Variants in B3GLCT observed in about 807,000 individuals in gnomAD.
B3GLCT encodes the protein beta 3-glucosyltransferase, also known as beta-1,3-glucosyltransferase.
In B3GLCT, 65 loss-of-function variants were observed where a neutral mutation model predicts 63.4. The observed-to-expected ratio is 1.03, with a 90% CI of 0.84 to 1.26. The LOEUF (loss-of-function observed/expected upper bound fraction) is 1.26, where lower values mean the gene tolerates loss of function less well. B3GLCT is among the 50% of genes most tolerant of loss of function. The pLI, the probability that B3GLCT is intolerant of heterozygous loss-of-function variation, is 0.00. For synonymous variants in B3GLCT, 233 were observed against 219.2 expected (o/e 1.06, Z -0.55); for missense variants, 577 against 604.8 (o/e 0.95, Z 0.48).
rs1874506167 is a variant in B3GLCT, at chr13:31,308,355, A to AC, written c.1065-9211_1065-9210insC. Among the ~76,000 whole-genome samples, 2 of 54,918 alleles carry AC rather than the reference A, an allele frequency of 3.6e-5. 1 individual carries two copies. The highest frequency in any genetic ancestry group is 8.5e-5 in the African/African-American group (2 of 23,514). The allele number at this position is 54,918 out of a possible 152,430, so 36.0% of individuals were successfully genotyped here. On this transcript the variant is annotated intron_variant, in intron 12 of 14. Transcript: ENST00000343307. ...AATAAAAAAAAAAAAATTAAAAAAA[A>AC]AAAAACAAAAAAAAAAGCTAGTCCC...
At chr13:31,210,012 C>A (rs1391361269) in intron 1 of B3GLCT, among the ~76,000 whole-genome samples, 1 of 152,160 alleles carries the variant, frequency 6.6e-6, no homozygotes, top group African/African-American at 2.4e-5. Flanking sequence ...ATTAGTGCTG[C>A]TTAAATGTGT....
intron 7 of B3GLCT, among the ~76,000 whole-genome samples, chr13:31,267,865 C>A (rs1038502157): frequency 1.0e-5 from 1 of 96,394 alleles, no homozygotes. Flanking sequence ...TTTTTTTTTT[C>A]TTTTCGAGAC....
intron 4 of B3GLCT, among the ~76,000 whole-genome samples, chr13:31,246,667 C>CT (rs35481803): frequency 0.31 from 47,465 of 152,058 alleles, 8,618 homozygotes; most frequent in Non-Finnish European, 0.42. Context: ...TGAGTTATCC[C>CT]TGACTACTTC....
Position 31,329,678 on chromosome 13 carries a change from A to G in B3GLCT, c.*10A>G, listed in dbSNP as rs747664666. Reference sequence around the variant, plus strand: ...TCGAGAGGAGTTATAAATCAGGGTGACCTGTGCGCCTAGCCTGCGCAGGGA... The same window carrying G: ...TCGAGAGGAGTTATAAATCAGGGTGGCCTGTGCGCCTAGCCTGCGCAGGGA... On this transcript the variant is annotated 3_prime_UTR_variant, in exon 15 of 15. Coordinates refer to ENST00000343307, the MANE Select transcript of B3GLCT (RefSeq NM_194318.4). 4.3e-6 allele frequency: 7 copies of G among 1,614,018 alleles called. No individual in the cohort carries two copies. Among genetic ancestry groups the G allele is most frequent in the Non-Finnish European group, 5.9e-6 (7 of 1,179,960 alleles).
At position 31,200,140 on chromosome 13, in the gene B3GLCT, T is replaced by C. The variant is rs999173078; in HGVS notation, c.56T>C (p.Leu19Pro). ...LLAPPALLALLTCSLAFGLAS... is the reference protein window; with the variant it reads ...LLAPPALLALPTCSLAFGLAS... ...GCGCCGCCGGCGCTGCTCGCGCTCC[T>C]CACCTGCTCCCTGGGTAAGTAGCGG... The change falls in exon 1 of 15, where the codon CTC becomes CCC. Residue 19 changes from leucine (L) to proline (P), a missense_variant. Physicochemically the swap from Leu to Pro is moderately conservative, Grantham distance 98. Coordinates refer to ENST00000343307, the MANE Select transcript of B3GLCT (RefSeq NM_194318.4). 379 of 1,359,576 alleles carry C rather than the reference T, an allele frequency of 2.8e-4. 1 individual carries two copies. Among genetic ancestry groups the C allele is most frequent in the Non-Finnish European group, 3.5e-4 (367 of 1,045,876 alleles). 84.2% of individuals were successfully genotyped at this position (1,359,576 alleles called of 1,614,324 possible).
intron 1 of B3GLCT, among the ~76,000 whole-genome samples, chr13:31,208,489 T>C (rs1338804813): frequency 6.6e-6 from 1 of 152,066 alleles, no homozygotes; most frequent in South Asian, 2.1e-4. Flanking sequence ...CTCAGGACGC[T>C]GGGCACCAAG....
At chr13:31,291,719 G>C (rs1873668907) in intron 12 of B3GLCT, among the ~76,000 whole-genome samples, 1 of 152,186 alleles carries the variant, frequency 6.6e-6, no homozygotes, top group South Asian at 2.1e-4. Context: ...ATTTTGGGCT[G>C]AGATGATGGA....
At chr13:31,219,553 G>A (rs946238117) in intron 2 of B3GLCT, among the ~76,000 whole-genome samples, 6 of 152,166 alleles carry the variant, frequency 3.9e-5, no homozygotes, top group African/African-American at 9.7e-5. Flanking sequence ...CACTGGTCAC[G>A]AGAACCAAAG....
intron 4 of B3GLCT, among the ~76,000 whole-genome samples, chr13:31,240,855 A>G (rs1287665045): frequency 1.3e-5 from 2 of 152,174 alleles, no homozygotes; most frequent in Non-Finnish European, 2.9e-5. Flanking sequence ...AAATTTATCG[A>G]CCCATTCATT....
chr13:31,250,911 CT>C (rs1322700992), intron 6 of B3GLCT, among the ~76,000 whole-genome samples: 1 of 152,176 alleles, frequency 6.6e-6, no homozygotes, highest in African/African-American at 2.4e-5. Flanking sequence ...CCCGTGTAGC[CT>C]GACTGGGAGA....
rs1443080090 is a variant in B3GLCT at position 31,298,399 on chromosome 13, G to A, written c.1064+11580G>A. On this transcript the variant is annotated intron_variant, in intron 12 of 14. Coordinates refer to ENST00000343307, the MANE Select transcript of B3GLCT (RefSeq NM_194318.4). ...CTATATTGTATTAATGTTTCCCAGA[G>A]TGAGTCCACTCAGGTTTGCAGGCTT... is the stretch of plus-strand genomic sequence containing the variant. Among the ~76,000 whole-genome samples the A allele has an allele frequency of 5.9e-5, 9 of 152,140 alleles. No individual in the cohort carries two copies. In the East Asian group the frequency reaches 1.7e-3, roughly 29 times the overall value.
intron 2 of B3GLCT, among the ~76,000 whole-genome samples, chr13:31,222,182 G>A (rs942224489): frequency 6.6e-6 from 1 of 150,592 alleles, no homozygotes; most frequent in Non-Finnish European, 1.5e-5. Flanking sequence ...GGGTTCAAGC[G>A]ATTGTCCTGC....
rs1259495428 is a variant in B3GLCT at position 31,329,535 on chromosome 13, C to A, written c.1364C>A (p.Ser455Tyr). The A allele has an allele frequency of 1.9e-6, 3 of 1,614,086 alleles. No homozygotes were observed. In the Admixed American group the frequency reaches 5.0e-5, roughly 27 times the overall value. Residue 455 changes from serine (S) to tyrosine (Y), a missense_variant, in exon 15 of 15, where the codon TCT becomes TAT. Ser to Tyr is a moderately radical substitution (Grantham distance 144). Coordinates refer to ENST00000343307, the MANE Select transcript of B3GLCT (RefSeq NM_194318.4). ...GTGGATTACCCTAAGGACTACCTTT[C>A]TCATCAAGTTCCCATATCGTTCCAC... Reference protein sequence around the residue: ...RPVDYPKDYLSHQVPISFHKH... With the variant: ...RPVDYPKDYLYHQVPISFHKH...
intron 12 of B3GLCT, among the ~76,000 whole-genome samples, chr13:31,292,165 G>A (rs931816756): frequency 7.9e-5 from 12 of 152,154 alleles, no homozygotes; most frequent in African/African-American, 2.9e-4. Context: ...GTATGAAGCT[G>A]ACTTGATCAT....
intron 3 of B3GLCT, among the ~76,000 whole-genome samples, chr13:31,228,133 G>T (rs1035947329): frequency 1.3e-5 from 2 of 152,196 alleles, no homozygotes; most frequent in African/African-American, 4.8e-5. Context: ...CTAGCAGGCT[G>T]GTGAATACTG....
intron 14 of B3GLCT, among the ~76,000 whole-genome samples, chr13:31,326,994 T>G (rs914813039): frequency 1.3e-5 from 2 of 152,196 alleles, no homozygotes; most frequent in African/African-American, 4.8e-5. Flanking sequence ...CAGTTCATTT[T>G]TAAAGGTGAA....
intron 1 of B3GLCT, among the ~76,000 whole-genome samples, chr13:31,213,749 G>C (rs1009280221): frequency 1.3e-5 from 2 of 151,718 alleles, no homozygotes; most frequent in Non-Finnish European, 2.9e-5. Flanking sequence ...CTGGAGAAGA[G>C]TAAAGCAGAG....
intron 7 of B3GLCT, 42 bp downstream of exon 7, chr13:31,261,124 T>C: frequency 6.3e-7 from 1 of 1,576,114 alleles, no homozygotes; most frequent in South Asian, 1.1e-5. Context: ...GGGAGGGGTG[T>C]GCATCAACTT....
intron 1 of B3GLCT, among the ~76,000 whole-genome samples, chr13:31,207,518 T>C (rs1293871568): frequency 2.6e-5 from 4 of 152,228 alleles, no homozygotes; most frequent in Non-Finnish European, 5.9e-5. Flanking sequence ...GAAATGATCT[T>C]TTCCCTCTTG....
Sources: allele counts gnomAD v4.1 joint callset (sites outside exome capture counted in the v4.1 genomes callset), GRCh38; gene constraint gnomAD v4.1.1; transcripts MANE v1.5; gene names NCBI Gene and HGNC (gene_info 2026-07-23, HGNC 2026-07-21).